Variants in PCDH17 observed in about 807,000 individuals in gnomAD.
The protein encoded by PCDH17 is protocadherin 17.
A neutral mutation model predicts 67.7 loss-of-function variants in PCDH17; 21 were observed. That is an observed-to-expected ratio of 0.31 (90% CI 0.22 to 0.45). PCDH17 has a LOEUF of 0.45. PCDH17 is among the 20% of genes least tolerant of loss of function. The pLI, the probability that PCDH17 is intolerant of heterozygous loss-of-function variation, is 1.00. For missense variants in PCDH17, 1,471 were observed against 1,564.8 expected, an observed-to-expected ratio of 0.94 and a Z score of 1.01; for synonymous variants, 701 against 656.7, an observed-to-expected ratio of 1.07 and a Z score of -1.03.
intron 3 of PCDH17, among the ~76,000 whole-genome samples, chr13:57,669,054 T>G (rs1465521035): frequency 2.0e-5 from 3 of 151,954 alleles, no homozygotes. Context: ...AGTGTTCTCA[T>G]TGTTCAATTC....
intron 1 of PCDH17, among the ~76,000 whole-genome samples, chr13:57,655,895 T>G (rs1273218361): frequency 6.6e-6 from 1 of 152,136 alleles, no homozygotes; most frequent in East Asian, 1.9e-4. Flanking sequence ...AAAGTTACAT[T>G]AATTTCTCAT....
rs770772846 is a variant in PCDH17, at chr13:57,633,885, G to T, written c.1339G>T (p.Gly447Trp). 3 of 1,613,124 alleles carry T rather than the reference G, an allele frequency of 1.9e-6. No individual in the cohort carries two copies. Among genetic ancestry groups the T allele is most frequent in the South Asian group, 2.2e-5 (2 of 91,082 alleles). The change falls in exon 1 of 4, where the codon GGG becomes TGG. Residue 447 changes from glycine to tryptophan, a missense_variant. Gly to Trp is a radical substitution (Grantham distance 184, BLOSUM62 -2). Transcript: ENST00000377918. This position sits in a 1 kb window ranked among gnomAD's most constrained non-coding sequence, Gnocchi z 6.2. ...EYNVTIVARD[G>W]GSPPLNSTKS... ...CAACGTGACCATCGTGGCGCGGGACGGGGGCTCTCCTCCCCTCAACTCCAC... is the reference window on the plus strand; with the variant it reads ...CAACGTGACCATCGTGGCGCGGGACTGGGGCTCTCCTCCCCTCAACTCCAC...
At chr13:57,665,997 G>A (rs977984380) in intron 1 of PCDH17, among the ~76,000 whole-genome samples, 6 of 152,094 alleles carry the variant, frequency 3.9e-5, no homozygotes, top group African/African-American at 1.2e-4. Flanking sequence ...GGAAGGAAAG[G>A]CCCTGCATCT....
intron 1 of PCDH17, among the ~76,000 whole-genome samples, chr13:57,647,301 G>T (rs979055050): frequency 1.3e-5 from 2 of 151,764 alleles, no homozygotes; most frequent in Admixed American, 1.3e-4. Context: ...GTGAGTGAAA[G>T]AAAAGGAAAT....
At chr13:57,660,236 C>A (rs1955167156) in intron 1 of PCDH17, among the ~76,000 whole-genome samples, 1 of 151,720 alleles carries the variant, frequency 6.6e-6, no homozygotes, top group Non-Finnish European at 1.5e-5. Context: ...CAAAATGAGA[C>A]CCTGTCTCAA....
At position 57,634,500 on chromosome 13, in the gene PCDH17, T is replaced by C; in HGVS notation, c.1954T>C (p.Trp652Arg). The C allele has an allele frequency of 1.2e-6, 2 of 1,612,846 alleles. No homozygotes were observed. The highest frequency in any genetic ancestry group is 1.7e-6 in the Non-Finnish European group (2 of 1,179,966). Residue 652 changes from tryptophan to arginine, a missense_variant, in exon 1 of 4, where the codon TGG becomes CGG. Physicochemically the swap from Trp to Arg is moderately radical, Grantham distance 101. Coordinates refer to ENST00000377918, the MANE Select transcript of PCDH17 (RefSeq NM_001040429.3). The surrounding 1 kb of genome is among the most constrained non-coding windows in gnomAD (Gnocchi z 7.8). ...CGAGATCCGCACGCTGCACCCTTTC[T>C]GGGAGGACGTGACGCCCGTGGTGGA... Reference protein sequence around the residue: ...SGEIRTLHPFWEDVTPVVELV... With the variant: ...SGEIRTLHPFREDVTPVVELV...
intron 1 of PCDH17, among the ~76,000 whole-genome samples, chr13:57,644,548 C>T (rs1371213570): frequency 6.6e-6 from 1 of 151,392 alleles, no homozygotes; most frequent in Non-Finnish European, 1.5e-5. Context: ...AACATAATTA[C>T]TATGAGTCTC....
At position 57,725,032 on chromosome 13, in the gene PCDH17, C is replaced by T; in HGVS notation, c.3218C>T (p.Pro1073Leu). Residue 1073 changes from proline (P) to leucine (L), a missense_variant, in exon 4 of 4, where the codon CCC becomes CTC. Coordinates refer to ENST00000377918, the MANE Select transcript of PCDH17 (RefSeq NM_001040429.3). ...GCTGAAGCAAGCAGTCAGTACTTGC[C>T]CACTGACAGTCAATATCTGTCACCT... ...ALAEASSQYL[P>L]TDSQYLSPSK... The T allele has an allele frequency of 1.2e-6, 2 of 1,614,100 alleles. No homozygotes were observed. Among genetic ancestry groups the T allele is most frequent in the Non-Finnish European group, 1.7e-6 (2 of 1,179,994 alleles).
Position 57,632,722 on chromosome 13 carries a change from G to A in PCDH17, c.176G>A (p.Ser59Asn), listed in dbSNP as rs1954745005. 3 of 1,611,742 alleles carry A rather than the reference G, an allele frequency of 1.9e-6. No individual in the cohort carries two copies. ...GCAGAGCGCGGCGGCGGAGGGCGCA[G>A]CAAGTCGGGTAGCTACCGGGTGCTG... ...PPAERGGGGRSKSGSYRVLEN... is the reference protein window; with the variant it reads ...PPAERGGGGRNKSGSYRVLEN... The change falls in exon 1 of 4, where the codon AGC becomes AAC. Residue 59 changes from serine to asparagine, a missense_variant. Around this residue, in one of 3 missense-constraint regions of PCDH17, gnomAD observed 1,163 missense variants for 1,230.0 expected, o/e 0.95. Coordinates refer to ENST00000377918, the MANE Select transcript of PCDH17 (RefSeq NM_001040429.3).
chr13:57,666,857 A>G, intron 3 of PCDH17, 24 bp downstream of exon 3: 1 of 1,575,968 alleles, frequency 6.3e-7, no homozygotes, highest in Non-Finnish European at 8.6e-7. Context: ...TCCAATGCTT[A>G]CAAAGTGTAA....
At chr13:57,722,769 C>T (rs903142488) in intron 3 of PCDH17, among the ~76,000 whole-genome samples, 5 of 152,096 alleles carry the variant, frequency 3.3e-5, no homozygotes, top group African/African-American at 1.2e-4. Flanking sequence ...CCTCACCTGG[C>T]TAATTTAAAT....
intron 3 of PCDH17, among the ~76,000 whole-genome samples, chr13:57,686,015 G>A (rs1955503377): frequency 6.6e-6 from 1 of 151,836 alleles, no homozygotes; most frequent in Non-Finnish European, 1.5e-5. Flanking sequence ...CTTGAGCCCA[G>A]GAGTTTGAAG....
At chr13:57,663,578 A>G (rs1040232062) in intron 1 of PCDH17, among the ~76,000 whole-genome samples, 1 of 152,182 alleles carries the variant, frequency 6.6e-6, no homozygotes, top group Non-Finnish European at 1.5e-5. Flanking sequence ...GAGTCTAGAT[A>G]ATGAAAATGT....
At chr13:57,685,971 C>T (rs1393202966) in intron 3 of PCDH17, among the ~76,000 whole-genome samples, 1 of 151,746 alleles carries the variant, frequency 6.6e-6, no homozygotes, top group Non-Finnish European at 1.5e-5. Flanking sequence ...CACCTTTAGT[C>T]CAAACTACTC....
At chr13:57,658,564 C>A (rs1396885473) in intron 1 of PCDH17, among the ~76,000 whole-genome samples, 1 of 152,040 alleles carries the variant, frequency 6.6e-6, no homozygotes, top group Non-Finnish European at 1.5e-5. Flanking sequence ...CCCTGTAATT[C>A]CTGATTGAAT....
chr13:57,678,711 C>T (rs767356936), intron 3 of PCDH17, among the ~76,000 whole-genome samples: 6 of 151,290 alleles, frequency 4.0e-5, no homozygotes, highest in Non-Finnish European at 8.9e-5. Context: ...GGTGCACATG[C>T]GTCAAAAACA....
chr13:57,671,389 A>G (rs1404178688), intron 3 of PCDH17, among the ~76,000 whole-genome samples: 1 of 151,868 alleles, frequency 6.6e-6, no homozygotes, highest in East Asian at 1.9e-4. Flanking sequence ...GAAAATAAAT[A>G]TAGTATTAGT....
intron 3 of PCDH17, among the ~76,000 whole-genome samples, chr13:57,671,004 G>T (rs1253124151): frequency 6.6e-6 from 1 of 151,876 alleles, no homozygotes; most frequent in Non-Finnish European, 1.5e-5. Flanking sequence ...TTAGTAGAAA[G>T]AGGTTATTTT....
At chr13:57,666,128 A>T (rs1054158529) in intron 1 of PCDH17, among the ~76,000 whole-genome samples, 10 of 152,132 alleles carry the variant, frequency 6.6e-5, no homozygotes, top group African/African-American at 1.9e-4. Flanking sequence ...TTTAATATGG[A>T]GAAATTAGGT....
Sources: allele counts gnomAD v4.1 joint callset (sites outside exome capture counted in the v4.1 genomes callset), GRCh38; gene constraint gnomAD v4.1.1; regional missense constraint gnomAD v4.1.1; non-coding constraint Gnocchi (gnomAD v3.1); transcripts MANE v1.5; gene names NCBI Gene and HGNC (gene_info 2026-07-23, HGNC 2026-07-21).